The following HS3ST4 variants were observed in gnomAD, a reference collection of about 807,000 sequenced individuals.
The protein encoded by HS3ST4 is heparan sulfate-glucosamine 3-sulfotransferase 4.
In HS3ST4, 17 loss-of-function variants were observed where a neutral mutation model predicts 29.2. The ratio of observed to expected loss-of-function variants is 0.58; its 90% CI spans 0.40 to 0.87. The LOEUF (loss-of-function observed/expected upper bound fraction) is 0.87, where lower values mean the gene tolerates loss of function less well. Among genes scored for constraint, HS3ST4 ranks in the 40% least tolerant of loss-of-function variants. The pLI is 0.00. For synonymous variants in HS3ST4, 314 were observed against 285.7 expected (o/e 1.10, Z -1.00); for missense variants, 627 against 634.5 (o/e 0.99, Z 0.13).
At chr16:25,720,877 A>G (rs1966488042) in intron 1 of HS3ST4, among the ~76,000 whole-genome samples, 1 of 152,214 alleles carries the variant, frequency 6.6e-6, no homozygotes, top group African/African-American at 2.4e-5. Flanking sequence ...CCAAGTGGAC[A>G]GTTGGATGAA....
chr16:25,779,761 C>T (rs2141614747), intron 1 of HS3ST4, among the ~76,000 whole-genome samples: 1 of 152,310 alleles, frequency 6.6e-6, no homozygotes, highest in African/African-American at 2.4e-5. Context: ...TAATTCACTC[C>T]ATAAAGCCAG....
chr16:26,084,552 C>T (rs752537800), intron 1 of HS3ST4, among the ~76,000 whole-genome samples: 2 of 152,082 alleles, frequency 1.3e-5, no homozygotes, highest in East Asian at 1.9e-4. Context: ...AGTGATCATG[C>T]GTCTATCACC....
At chr16:25,775,951 G>T (rs1481716123) in intron 1 of HS3ST4, among the ~76,000 whole-genome samples, 2 of 152,332 alleles carry the variant, frequency 1.3e-5, no homozygotes, top group East Asian at 3.9e-4. Flanking sequence ...AGAAGTCTTA[G>T]TTTGAAGTCT....
chr16:25,805,544 C>T (rs759684754), intron 1 of HS3ST4, among the ~76,000 whole-genome samples: 1 of 151,984 alleles, frequency 6.6e-6, no homozygotes, highest in Non-Finnish European at 1.5e-5. Context: ...ACCCTGGTAT[C>T]GGCAACTTTC....
chr16:25,776,270 G>A (rs1966847451), intron 1 of HS3ST4, among the ~76,000 whole-genome samples: 1 of 152,170 alleles, frequency 6.6e-6, no homozygotes, highest in Non-Finnish European at 1.5e-5. Context: ...AAGTTAAAGG[G>A]AAAAGTCAAC....
At chr16:25,969,752 G>T (rs1968878504) in intron 1 of HS3ST4, among the ~76,000 whole-genome samples, 1 of 152,204 alleles carries the variant, frequency 6.6e-6, no homozygotes, top group African/African-American at 2.4e-5. Context: ...GTTTCCTAAG[G>T]GAAAATGAAG....
At chr16:26,097,573 A>G (rs958688506) in intron 1 of HS3ST4, among the ~76,000 whole-genome samples, 1 of 152,244 alleles carries the variant, frequency 6.6e-6, no homozygotes, top group Non-Finnish European at 1.5e-5. Flanking sequence ...ACCTTATACA[A>G]AAATTAATTC....
chr16:25,847,483 T>C (rs1326498962), intron 1 of HS3ST4, among the ~76,000 whole-genome samples: 1 of 152,218 alleles, frequency 6.6e-6, no homozygotes, highest in Admixed American at 6.5e-5. Flanking sequence ...CCTTCAGTTT[T>C]GTTTGTTTTT....
intron 1 of HS3ST4, among the ~76,000 whole-genome samples, chr16:25,937,838 G>T (rs1968532166): frequency 6.6e-6 from 1 of 152,112 alleles, no homozygotes; most frequent in African/African-American, 2.4e-5. Flanking sequence ...TATCTGTTTT[G>T]CAGCTTCAGA....
At chr16:26,100,066 G>T (rs1017786012) in intron 1 of HS3ST4, among the ~76,000 whole-genome samples, 4 of 152,120 alleles carry the variant, frequency 2.6e-5, no homozygotes, top group African/African-American at 9.7e-5. Flanking sequence ...ATTAATTCCA[G>T]TGTTAGGTAT....
chr16:25,838,682 T>C (rs1437339494), intron 1 of HS3ST4, among the ~76,000 whole-genome samples: 1 of 152,142 alleles, frequency 6.6e-6, no homozygotes, highest in East Asian at 1.9e-4. Context: ...ACCCGCCCAC[T>C]CTTGAGATCT....
intron 1 of HS3ST4, among the ~76,000 whole-genome samples, chr16:25,877,074 A>T (rs1967840379): frequency 6.6e-6 from 1 of 151,968 alleles, no homozygotes; most frequent in Non-Finnish European, 1.5e-5. Flanking sequence ...ATGGGTCTTT[A>T]ATTTTATTTC....
At chr16:25,940,422 A>G (rs186952500) in intron 1 of HS3ST4, among the ~76,000 whole-genome samples, 17 of 152,338 alleles carry the variant, frequency 1.1e-4, no homozygotes, top group African/African-American at 4.1e-4. Flanking sequence ...GGCTATACTT[A>G]CTTGGTTCCA....
intron 1 of HS3ST4, among the ~76,000 whole-genome samples, chr16:25,888,813 A>G (rs1339792330): frequency 6.6e-6 from 1 of 152,140 alleles, no homozygotes; most frequent in East Asian, 1.9e-4. Flanking sequence ...CAACAACAAC[A>G]ACTCTGAAAA....
At chr16:25,695,346 TC>T (rs1471367753) in intron 1 of HS3ST4, among the ~76,000 whole-genome samples, 1 of 152,188 alleles carries the variant, frequency 6.6e-6, no homozygotes, top group African/African-American at 2.4e-5. Flanking sequence ...GGAACAAGCT[TC>T]CTGCCAATAC....
At chr16:25,878,232 A>G (rs1344172905) in intron 1 of HS3ST4, among the ~76,000 whole-genome samples, 1 of 152,160 alleles carries the variant, frequency 6.6e-6, no homozygotes, top group Non-Finnish European at 1.5e-5. Flanking sequence ...TTTTCAGCCT[A>G]TTGCCTGGTT....
chr16:25,832,563 A>G (rs1332898901), intron 1 of HS3ST4, among the ~76,000 whole-genome samples: 5 of 152,244 alleles, frequency 3.3e-5, no homozygotes, highest in Non-Finnish European at 7.3e-5. Context: ...GTTTTTAAGA[A>G]CAAGGTGCTG....
In HS3ST4 at chr16:25,793,132, G is replaced by A. The variant is rs1359034976; in HGVS notation, c.734+99981G>A. On this transcript the variant is annotated intron_variant, in intron 1 of 1. Coordinates refer to ENST00000331351, the MANE Select transcript of HS3ST4 (RefSeq NM_006040.3). ...GGCTTAATTCTAATATAATCAAATG[G>A]TATAGTCTGAATAGTTTCAGCCCTT... is the stretch of plus-strand genomic sequence containing the variant. Among the ~76,000 whole-genome samples, 3 of 151,796 alleles carry A rather than the reference G, an allele frequency of 2.0e-5. No homozygotes were observed. The East Asian group carries it at 5.8e-4, about 29-fold the overall frequency.
chr16:25,830,853 CT>C (rs1386062132), intron 1 of HS3ST4, among the ~76,000 whole-genome samples: 6 of 152,092 alleles, frequency 3.9e-5, no homozygotes, highest in Admixed American at 2.6e-4. Context: ...ACTCCCCTTT[CT>C]CATTTTTAAT....
Sources: gnomAD v4.1 joint callset for allele counts (sites outside exome capture counted in the v4.1 genomes callset) on GRCh38, gnomAD v4.1.1 for gene constraint, MANE v1.5 for transcripts, NCBI Gene and HGNC (gene_info 2026-07-23, HGNC 2026-07-21) for gene names.